Variants in PRKN observed in about 807,000 individuals in gnomAD.
PRKN encodes E3 ubiquitin-protein ligase parkin.
In PRKN, 56 loss-of-function variants were observed where a neutral mutation model predicts 59.5. The observed-to-expected ratio is 0.94, with a 90% CI of 0.76 to 1.18. The LOEUF is 1.18. Ranked by LOEUF, PRKN falls within the 50% of genes most tolerant of loss-of-function variation. The pLI is 0.00. For missense variants in PRKN, 657 were observed against 596.4 expected, an observed-to-expected ratio of 1.10 and a Z score of -1.06; for synonymous variants, 250 against 222.1, an observed-to-expected ratio of 1.13 and a Z score of -1.12.
At chr6:161,836,355 A>G (rs1035750353) in intron 6 of PRKN, among the ~76,000 whole-genome samples, 2 of 152,128 alleles carry the variant, frequency 1.3e-5, no homozygotes, top group Admixed American at 6.5e-5. Flanking sequence ...CCTTCCATCC[A>G]AGATCCCTGG....
intron 2 of PRKN, among the ~76,000 whole-genome samples, chr6:162,421,669 A>T (rs1788973512): frequency 6.6e-6 from 1 of 152,176 alleles, no homozygotes; most frequent in African/African-American, 2.4e-5. Flanking sequence ...AGATAGTATA[A>T]ATAAACAGGA....
chr6:162,070,164 C>G (rs746526342), intron 4 of PRKN, among the ~76,000 whole-genome samples: 34 of 152,164 alleles, frequency 2.2e-4, no homozygotes, highest in Non-Finnish European at 4.7e-4. Context: ...AACTGTTTCC[C>G]AACAAAACCC....
Position 161,467,494 on chromosome 6 carries a change from T to TG in PRKN, c.1084-80618dup, listed in dbSNP as rs1258938252. ...ATTTCTCTGTAAGCATATGGTCCAA[T>TG]GGGGAAGACCTAGATACAATTTTAA... On this transcript the variant is annotated intron_variant, in intron 9 of 11. Coordinates refer to ENST00000366898, the MANE Select transcript of PRKN (RefSeq NM_004562.3). This position sits in a 1 kb window ranked among gnomAD's most constrained non-coding sequence, Gnocchi z 4.3. Among the ~76,000 whole-genome samples, 2 of 152,286 alleles carry TG rather than the reference T, an allele frequency of 1.3e-5. No homozygotes were observed. Among genetic ancestry groups the TG allele is most frequent in the African/African-American group, 4.8e-5 (2 of 41,570 alleles).
At chr6:162,538,947 T>G (rs191520310) in intron 1 of PRKN, among the ~76,000 whole-genome samples, 7 of 152,316 alleles carry the variant, frequency 4.6e-5, no homozygotes, top group Admixed American at 3.9e-4. Context: ...TCAGTCAAAT[T>G]AGAGAGGCAG....
At chr6:162,371,817 C>T (rs1562709328) in intron 2 of PRKN, among the ~76,000 whole-genome samples, 1 of 152,160 alleles carries the variant, frequency 6.6e-6, no homozygotes, top group Non-Finnish European at 1.5e-5. Flanking sequence ...GTTTCTTCAC[C>T]TCCCCTTCTT....
chr6:161,532,172 A>C (rs879924120), intron 9 of PRKN, among the ~76,000 whole-genome samples: 8,951 of 49,892 alleles, frequency 0.18, 331 homozygotes, highest in African/African-American at 0.25. Context: ...CTCTCTATAT[A>C]TATATATATA....
chr6:162,644,679 T>C (rs1368902854), intron 1 of PRKN, among the ~76,000 whole-genome samples: 1 of 152,200 alleles, frequency 6.6e-6, no homozygotes, highest in Non-Finnish European at 1.5e-5. Context: ...AACTTGTAGC[T>C]AGCTAAGTAC....
At chr6:161,633,737 G>C (rs550483939) in intron 7 of PRKN, among the ~76,000 whole-genome samples, 2 of 152,232 alleles carry the variant, frequency 1.3e-5, no homozygotes, top group African/African-American at 4.8e-5. Flanking sequence ...TCCTGAAACT[G>C]TCATAATTTA....
chr6:161,750,118 T>TATATATATATATATATATATAC (rs1269147499), intron 7 of PRKN, among the ~76,000 whole-genome samples: 19 of 137,732 alleles, frequency 1.4e-4, no homozygotes, highest in African/African-American at 4.8e-4. Context: ...TATATATATA[T>TATATATATATATATATATATAC]ACACACACAC....
chr6:162,377,279 GAA>G (rs770145551), intron 2 of PRKN, among the ~76,000 whole-genome samples: 1 of 152,204 alleles, frequency 6.6e-6, no homozygotes. Flanking sequence ...AAGGAACACA[GAA>G]TGTGCATACA....
intron 2 of PRKN, among the ~76,000 whole-genome samples, chr6:162,386,740 C>T (rs577917950): frequency 6.6e-6 from 1 of 152,310 alleles, no homozygotes; most frequent in South Asian, 2.1e-4. Context: ...CAGAGACAGA[C>T]AGATGAACAC....
chr6:161,993,282 C>T (rs1270452016), intron 5 of PRKN, among the ~76,000 whole-genome samples: 2 of 151,892 alleles, frequency 1.3e-5, no homozygotes, highest in African/African-American at 4.8e-5. Context: ...CCACTAGCAC[C>T]ACAGAAATAC....
chr6:161,680,773 A>ATTTTTTTT (rs1486863145), intron 7 of PRKN, among the ~76,000 whole-genome samples: 5 of 19,678 alleles, frequency 2.5e-4, no homozygotes, highest in Non-Finnish European at 3.3e-4. Flanking sequence ...ATATATATAT[A>ATTTTTTTT]TATTTTTTTT....
At chr6:162,148,738 G>A (rs1782134981) in intron 4 of PRKN, among the ~76,000 whole-genome samples, 1 of 152,130 alleles carries the variant, frequency 6.6e-6, no homozygotes, top group Non-Finnish European at 1.5e-5. Flanking sequence ...AAGAGCCAAA[G>A]AGCTTTGGGC....
In PRKN at chr6:161,357,633, T is replaced by G. The variant is rs74927971; in HGVS notation, c.1285+2455A>C. ...AATAAAGTCCTCTTTGGTCCTGTTA[T>G]GCCTAGAGCTACTCACTATGACATG... On this transcript the variant is annotated intron_variant, in intron 11 of 11. Coordinates refer to ENST00000366898, the MANE Select transcript of PRKN (RefSeq NM_004562.3). This position sits in a 1 kb window ranked among gnomAD's most constrained non-coding sequence, Gnocchi z 5.5. Among the ~76,000 whole-genome samples the G allele has an allele frequency of 0.12, 18,823 of 152,302 alleles. 1,390 individuals carry two copies. The highest frequency in any genetic ancestry group is 0.19 in the South Asian group (938 of 4,826).
intron 1 of PRKN, among the ~76,000 whole-genome samples, chr6:162,640,344 T>C (rs568175082): frequency 1.3e-5 from 2 of 152,306 alleles, no homozygotes; most frequent in African/African-American, 4.8e-5. Flanking sequence ...AAGATTCTTA[T>C]TGAATCTTAC....
chr6:162,142,946 T>C (rs1351594902), intron 4 of PRKN, among the ~76,000 whole-genome samples: 2 of 152,226 alleles, frequency 1.3e-5, no homozygotes, highest in East Asian at 3.8e-4. Context: ...CCTAATTAAT[T>C]AGCCTTTGGA....
rs146053604 is a variant in PRKN, at chr6:162,412,321, T to A, written c.171+30989A>T. On this transcript the variant is annotated intron_variant, in intron 2 of 11. Transcript: ENST00000366898. ...AGAGCAAGGCTCAATCTAGAAGGTG[T>A]CTGGACTGAGGATTCTAGGGTACGA... Among the ~76,000 whole-genome samples, 12 of 152,134 alleles carry A rather than the reference T, an allele frequency of 7.9e-5. No individual in the cohort carries two copies. The East Asian group carries it at 2.3e-3, about 30-fold the overall frequency.
At chr6:162,490,026 C>T (rs1471432447) in intron 1 of PRKN, among the ~76,000 whole-genome samples, 1 of 152,164 alleles carries the variant, frequency 6.6e-6, no homozygotes, top group Non-Finnish European at 1.5e-5. Context: ...TAAATATTGT[C>T]CCATTGTAGA....
Sources: allele counts gnomAD v4.1 joint callset (sites outside exome capture counted in the v4.1 genomes callset), GRCh38; gene constraint gnomAD v4.1.1; non-coding constraint Gnocchi (gnomAD v3.1); transcripts MANE v1.5; gene names NCBI Gene and HGNC (gene_info 2026-07-23, HGNC 2026-07-21).